PIM2: variants seen among roughly 807,000 people sequenced by gnomAD.
PIM2 encodes serine/threonine-protein kinase pim-2.
PIM2 carries 3 observed loss-of-function variants against 18.0 expected under a neutral mutation model. The ratio of observed to expected loss-of-function variants is 0.17; its 90% CI spans 0.08 to 0.43. The LOEUF is 0.43. Among genes scored for constraint, PIM2 ranks in the 20% least tolerant of loss-of-function variants. The probability of loss-of-function intolerance (pLI) is 0.99; values close to 1 mark genes in which losing one functional copy is unlikely to be tolerated. For missense variants in PIM2, 181 were observed against 260.8 expected (o/e 0.69, Z 2.11); for synonymous variants, 117 against 105.3 (o/e 1.11, Z -0.68).
At position 48,917,785 on chromosome X, in the gene PIM2, G is replaced by T; in HGVS notation, c.218C>A (p.Pro73His). The change falls in exon 3 of 6, where the codon CCC (proline) becomes CAC (histidine). Residue 73 changes from proline (P) to histidine (H), a missense_variant. Physicochemically the swap from Pro to His is moderately conservative, Grantham distance 77. Transcript: ENST00000376509. The stretch of plus-strand genomic sequence containing the variant: ...AAGGGCTCCGAAGGTACTCACCAAG[G>T]GGGACCAGCCCAGCACACGATTCCG... The part of the protein sequence containing the change: ...IPRNRVLGWS[P>H]LSDSVTCPLE... The T allele has an allele frequency of 8.3e-7, 1 of 1,203,910 alleles. No homozygotes were observed.
chrX:48,917,793 G>A lies in PIM2; in HGVS notation c.210C>T (p.Gly70=). Reference sequence around the variant, plus strand: ...CGAAGGTACTCACCAAGGGGGACCAGCCCAGCACACGATTCCGGGGAATCA... The same window carrying A: ...CGAAGGTACTCACCAAGGGGGACCAACCCAGCACACGATTCCGGGGAATCA... ...IKVIPRNRVL[G]WSPLSDSVTC... The change falls in exon 3 of 6, where the codon GGC becomes GGT. Residue 70 remains glycine (G), a synonymous_variant. Transcript: ENST00000376509. 8.3e-7 allele frequency: 1 copy of A among 1,205,240 alleles called. No homozygotes were observed. The highest frequency in any genetic ancestry group is 1.1e-6 in the Non-Finnish European group (1 of 891,513).
In PIM2 at chrX:48,913,978, C is replaced by A; in HGVS notation, c.*153G>T. 1 of 422,318 alleles carries A rather than the reference C, an allele frequency of 2.4e-6. No homozygotes were observed. The allele number at this position is 422,318 out of a possible 1,213,427, so 34.8% of individuals were successfully genotyped here. A position where few individuals can be genotyped will look rare whatever the true frequency, so the allele number is the denominator to read the frequency against. Reference sequence around the variant, plus strand: ...GGCAGACTTGGTTTATGTCTTCTAACCCCTGATCCTCAATCCCTTACCTTA... The same window carrying A: ...GGCAGACTTGGTTTATGTCTTCTAAACCCTGATCCTCAATCCCTTACCTTA... On this transcript the variant is annotated 3_prime_UTR_variant, in exon 6 of 6. Coordinates refer to ENST00000376509, the MANE Select transcript of PIM2 (RefSeq NM_006875.4).
chrX:48,915,252 G>A lies in PIM2; in HGVS notation c.363C>T (p.Pro121=), dbSNP rs374713329. The change falls in exon 4 of 6, where the codon CCC becomes CCT. Residue 121 remains proline (P), a synonymous_variant. Transcript: ENST00000376509. ...TGATATAGTCAAAGAGATCCTGGGCGGGCAAAGGCCGCTCGAGGACCAGCA... is the reference window on the plus strand; with the variant it reads ...TGATATAGTCAAAGAGATCCTGGGCAGGCAAAGGCCGCTCGAGGACCAGCA... ...GFMLVLERPL[P]AQDLFDYITE... The A allele has an allele frequency of 1.6e-5, 19 of 1,210,665 alleles. No homozygotes were observed. The highest frequency in any genetic ancestry group is 7.0e-5 in the African/African-American group (4 of 57,431).
At chrX:48,918,667 A>C in intron 1 of PIM2, 22 bp from the exon 2 acceptor site, 1 of 1,151,308 alleles carries the variant, frequency 8.7e-7, no homozygotes, top group Non-Finnish European at 1.2e-6. Context: ...GAGGCGAGGA[A>C]GTCAGGGTGG....
At position 48,918,597 on chromosome X, in the gene PIM2, A is replaced by AG; in HGVS notation, c.109dup (p.Leu37ProfsTer4). ...GGTGCCAAAGCCCCCCTTACCCAGGAGGGGGCCGAGTCGATACTCGGCCTC... is the reference window on the plus strand; with the variant it reads ...GGTGCCAAAGCCCCCCTTACCCAGGAGGGGGGCCGAGTCGATACTCGGCCTC... On this transcript the variant is annotated frameshift_variant, in exon 2 of 6. Transcript: ENST00000376509. LOFTEE classifies it high-confidence loss of function. 8.3e-7 allele frequency: 1 copy of AG among 1,205,890 alleles called. No individual in the cohort carries two copies. The highest frequency in any genetic ancestry group is 1.1e-6 in the Non-Finnish European group (1 of 892,069).
intron 4 of PIM2, 170 bp downstream of exon 4, chrX:48,914,850 A>T: frequency 2.0e-6 from 1 of 505,551 alleles, no homozygotes; most frequent in Non-Finnish European, 3.3e-6. Context: ...CACCATTAAA[A>T]GATGGACTTT....
intron 3 of PIM2, 181 bp from the exon 4 acceptor site, chrX:48,915,573 G>C: frequency 2.3e-6 from 1 of 440,249 alleles, no homozygotes. Context: ...CACAGCGATT[G>C]AGAGGGTGAA....
rs2063570898 is a variant in PIM2, at chrX:48,918,813, C to T, written c.22G>A (p.Gly8Arg). The change falls in exon 1 of 6, where the codon GGG becomes AGG. Residue 8 changes from glycine (G) to arginine (R), a missense_variant. Physicochemically the swap from Gly to Arg is moderately radical, Grantham distance 125 (BLOSUM62 -2). Around this residue, in one of 5 missense-constraint regions of PIM2, gnomAD observed 104 missense variants for 125.3 expected, o/e 0.83. Transcript: ENST00000376509. MLTKPLQ[G>R]PPAPPGTPTP... ...GGGGTCCCGGGGGGCGCGGGAGGCC[C>T]CTGTAGAGGCTTGGTCAACATGGAG... 2 of 1,194,017 alleles carry T rather than the reference C, an allele frequency of 1.7e-6. No individual in the cohort carries two copies. The highest frequency in any genetic ancestry group is 2.2e-6 in the Non-Finnish European group (2 of 890,405).
At chrX:48,914,900 G>T in intron 4 of PIM2, 120 bp downstream of exon 4, 1 of 642,586 alleles carries the variant, frequency 1.6e-6, no homozygotes, top group Non-Finnish European at 2.4e-6. Flanking sequence ...ATTAGCAATC[G>T]ATCATCTTAT....
chrX:48,914,364 G>A, intron 5 of PIM2, 31 bp downstream of exon 5: 1 of 1,210,162 alleles, frequency 8.3e-7, no homozygotes, highest in Non-Finnish European at 1.1e-6. Flanking sequence ...GAAGGATGGA[G>A]TCTTCTGGGC....
Position 48,918,868 on chromosome X carries a change from C to T in PIM2, c.-34G>A. The T allele has an allele frequency of 8.7e-7, 1 of 1,148,163 alleles. No individual in the cohort carries two copies. Among genetic ancestry groups the T allele is most frequent in the Non-Finnish European group, 1.2e-6 (1 of 853,502 alleles). 94.6% of individuals were successfully genotyped at this position (1,148,163 alleles called of 1,213,427 possible). ...CGCTGCGCAGATTGAGCCCACTGAA[C>T]CCGCTAAGCCCGCAGGGCGTGGACG... On this transcript the variant is annotated 5_prime_UTR_variant, in exon 1 of 6. Transcript: ENST00000376509.
chrX:48,914,858 T>G, intron 4 of PIM2, 162 bp downstream of exon 4: 1 of 525,826 alleles, frequency 1.9e-6, no homozygotes, highest in East Asian at 3.7e-5. Flanking sequence ...AAAGATGGAC[T>G]TTATCAGAGG....
chrX:48,916,131 C>G (rs1157855597), intron 3 of PIM2, among the ~76,000 whole-genome samples: 2 of 112,442 alleles, frequency 1.8e-5, no homozygotes, highest in East Asian at 5.6e-4. Flanking sequence ...TGTTCACGGA[C>G]GTATATGAAG....
chrX:48,916,972 T>C (rs1219899707), intron 3 of PIM2, among the ~76,000 whole-genome samples: 1 of 110,222 alleles, frequency 9.1e-6, no homozygotes, highest in Non-Finnish European at 1.9e-5. Flanking sequence ...CTGGCCAACA[T>C]GGTGAAACCC....
At chrX:48,916,111 T>C (rs1307996611) in intron 3 of PIM2, among the ~76,000 whole-genome samples, 1 of 112,628 alleles carries the variant, frequency 8.9e-6, no homozygotes, top group Admixed American at 9.4e-5. Context: ...TATTGTGTAA[T>C]GGTTTGTTTT....
At chrX:48,914,669 C>T in intron 4 of PIM2, 98 bp from the exon 5 acceptor site, 2 of 751,947 alleles carry the variant, frequency 2.7e-6, no homozygotes, top group Non-Finnish European at 1.9e-6. Flanking sequence ...ATTAAGAGCA[C>T]TCAAGATAAA....
Position 48,918,998 on chromosome X carries a change from G to C in PIM2, c.-164C>G, listed in dbSNP as rs1200777124. 1 of 438,928 alleles carries C rather than the reference G, an allele frequency of 2.3e-6. No individual in the cohort carries two copies. The highest frequency in any genetic ancestry group is 2.6e-5 in the African/African-American group (1 of 38,281). 36.2% of individuals were successfully genotyped at this position (438,928 alleles called of 1,213,427 possible). The stretch of plus-strand genomic sequence containing the variant: ...CGCAGACGGCGCAGCGTTGAGATTC[G>C]CCGCGCGCGCCAGCCCCAATGCTAC... On this transcript the variant is annotated 5_prime_UTR_variant, in exon 1 of 6. Coordinates refer to ENST00000376509, the MANE Select transcript of PIM2 (RefSeq NM_006875.4).
intron 5 of PIM2, 43 bp from the exon 6 acceptor site, chrX:48,914,337 G>C (rs2063557349): frequency 1.7e-6 from 2 of 1,210,780 alleles, no homozygotes; most frequent in Non-Finnish European, 2.2e-6. Flanking sequence ...CAGTCAGTAG[G>C]GGGTACTGGT....
chrX:48,917,970 A>G (rs945972985), intron 2 of PIM2, 139 bp from the exon 3 acceptor site: 1 of 507,477 alleles, frequency 2.0e-6, no homozygotes. Context: ...CACCCCACAG[A>G]ACGCGTACCA....
Sources: gnomAD v4.1 joint callset for allele counts (sites outside exome capture counted in the v4.1 genomes callset) on GRCh38, gnomAD v4.1.1 for gene constraint, gnomAD v4.1.1 regional missense constraint, MANE v1.5 for transcripts, NCBI Gene and HGNC (gene_info 2026-07-23, HGNC 2026-07-21) for gene names.